IGF1R: variants seen among roughly 807,000 people sequenced by gnomAD.
IGF1R encodes the protein insulin-like growth factor 1 receptor.
In IGF1R, 44 loss-of-function variants were observed where a neutral mutation model predicts 144.6. The ratio of observed to expected loss-of-function variants is 0.30; its 90% CI spans 0.24 to 0.39. The LOEUF (loss-of-function observed/expected upper bound fraction) is 0.39, where lower values mean the gene tolerates loss of function less well. IGF1R is among the 10% of genes least tolerant of loss of function. The probability of loss-of-function intolerance (pLI) is 1.00; values close to 1 mark genes in which losing one functional copy is unlikely to be tolerated. For missense variants in IGF1R, 1,355 were observed against 1,833.7 expected (o/e 0.74, Z 4.77); for synonymous variants, 795 against 722.8 (o/e 1.10, Z -1.60).
intron 2 of IGF1R, among the ~76,000 whole-genome samples, chr15:98,889,562 C>T (rs1161408204): frequency 6.6e-6 from 1 of 152,208 alleles, no homozygotes; most frequent in Non-Finnish European, 1.5e-5. Context: ...GAGTGTAATA[C>T]TGCTGTTAAA....
At chr15:98,907,314 G>T (rs533062562) in intron 5 of IGF1R, among the ~76,000 whole-genome samples, 1 of 152,318 alleles carries the variant, frequency 6.6e-6, no homozygotes, top group African/African-American at 2.4e-5. Flanking sequence ...GTCCTGGTTT[G>T]GGTGTAAATG....
chr15:98,784,760 C>T (rs974387049), intron 2 of IGF1R, among the ~76,000 whole-genome samples: 3 of 152,134 alleles, frequency 2.0e-5, no homozygotes, highest in African/African-American at 4.8e-5. Context: ...AATTTAAAAA[C>T]TAGTATAACA....
chr15:98,838,703 TCCCTTTA>T (rs1486516035), intron 2 of IGF1R, among the ~76,000 whole-genome samples: 1 of 152,142 alleles, frequency 6.6e-6, no homozygotes, highest in Non-Finnish European at 1.5e-5. Context: ...TCCCAGAGCA[TCCCTTTA>T]GAGCCTCAGA....
chr15:98,771,375 C>A (rs1403627725), intron 2 of IGF1R, among the ~76,000 whole-genome samples: 1 of 152,326 alleles, frequency 6.6e-6, no homozygotes, highest in East Asian at 1.9e-4. Flanking sequence ...TCCACCCTCT[C>A]TCCCCTTCCT....
At chr15:98,749,241 G>C (rs1033700758) in intron 2 of IGF1R, among the ~76,000 whole-genome samples, 2 of 146,880 alleles carry the variant, frequency 1.4e-5, no homozygotes. Context: ...TAAAATTCTT[G>C]TTTCTGTGCT....
At chr15:98,867,246 A>C (rs1401839477) in intron 2 of IGF1R, among the ~76,000 whole-genome samples, 3 of 152,216 alleles carry the variant, frequency 2.0e-5, no homozygotes, top group Admixed American at 1.3e-4. Flanking sequence ...TTGCGCAGCA[A>C]CAAAAGCCAC....
rs936315653 is a variant in IGF1R at position 98,685,342 on chromosome 15, G to A, written c.95-22220G>A. Among the ~76,000 whole-genome samples, 3 of 152,204 alleles carry A rather than the reference G, an allele frequency of 2.0e-5. No homozygotes were observed. In the South Asian group the frequency reaches 6.2e-4, roughly 32 times the overall value. The stretch of plus-strand genomic sequence containing the variant: ...TGGGTGGACACGCTGGATGGTAGAT[G>A]TTGAGTTCTTTAGATGCCTGGATGC... On this transcript the variant is annotated intron_variant, in intron 1 of 20. Transcript: ENST00000650285.
At chr15:98,678,178 T>C (rs1259373271) in intron 1 of IGF1R, among the ~76,000 whole-genome samples, 1 of 152,216 alleles carries the variant, frequency 6.6e-6, no homozygotes, top group Non-Finnish European at 1.5e-5. Context: ...AGGAATAGAT[T>C]ACCTAGTAGT....
intron 1 of IGF1R, among the ~76,000 whole-genome samples, chr15:98,660,942 C>G (rs1440470773): frequency 6.6e-6 from 1 of 152,146 alleles, no homozygotes; most frequent in African/African-American, 2.4e-5. Flanking sequence ...CCGGAGTGGC[C>G]TGGTGCAGAG....
At position 98,835,080 on chromosome 15, in the gene IGF1R, TACACACAC is replaced by T. The variant is rs34443123; in HGVS notation, c.641-56222_641-56215del. On this transcript the variant is annotated intron_variant, in intron 2 of 20. Transcript: ENST00000650285. ...GGCCAGGGCAAGAGAACACCCCCCC[TACACACAC>T]ACACACACACACACACACACACCCC... 2.8e-4 allele frequency among the ~76,000 whole-genome samples: 37 copies of T among 130,440 alleles called. 1 individual carries two copies. The highest frequency in any genetic ancestry group is 6.8e-4 in the African/African-American group (21 of 30,706). The allele number at this position is 130,440 out of a possible 152,430, so 85.6% of individuals were successfully genotyped here.
intron 10 of IGF1R, 128 bp downstream of exon 10, chr15:98,917,004 A>T (rs774406661): frequency 9.3e-5 from 75 of 806,882 alleles, no homozygotes; most frequent in Non-Finnish European, 1.4e-4. Flanking sequence ...ACTGAGACGG[A>T]GCCGAAAAAG....
At chr15:98,873,730 T>C (rs975083648) in intron 2 of IGF1R, 1 of 152,242 alleles carries the variant, frequency 6.6e-6, no homozygotes, top group African/African-American at 2.4e-5. Context: ...ATATGCAATA[T>C]CTTTCTGTGG....
chr15:98,931,661 C>G (rs2015946159), intron 15 of IGF1R, among the ~76,000 whole-genome samples: 1 of 150,268 alleles, frequency 6.7e-6, no homozygotes, highest in African/African-American at 2.5e-5. Flanking sequence ...ACCACACTTA[C>G]AAGAGTTGTT....
In IGF1R at chr15:98,708,055, C is replaced by A; in HGVS notation, c.588C>A (p.Thr196=). The A allele has an allele frequency of 6.2e-7, 1 of 1,614,030 alleles. No individual in the cohort carries two copies. The highest frequency in any genetic ancestry group is 1.1e-5 in the South Asian group (1 of 91,068). ...MEEKPMCEKT[T]INNEYNYRCW... ...AGAAGCCGATGTGTGAGAAGACCAC[C>A]ATCAACAATGAGTACAACTACCGCT... Residue 196 remains threonine, a synonymous_variant, in exon 2 of 21, where the codon ACC becomes ACA. Transcript: ENST00000650285.
chr15:98,848,253 G>A (rs1430059941), intron 2 of IGF1R, among the ~76,000 whole-genome samples: 1 of 152,220 alleles, frequency 6.6e-6, no homozygotes, highest in Admixed American at 6.5e-5. Flanking sequence ...ACATATGGCT[G>A]TGGAAGAGGA....
chr15:98,651,243 A>G (rs1316488848), intron 1 of IGF1R, among the ~76,000 whole-genome samples: 1 of 152,198 alleles, frequency 6.6e-6, no homozygotes, highest in Non-Finnish European at 1.5e-5. Flanking sequence ...CAAATCCTTA[A>G]ACGTCTGGTA....
rs780928679 is a variant in IGF1R at position 98,929,640 on chromosome 15, G to T, written c.2865G>T (p.Leu955=). 1 of 1,613,338 alleles carries T rather than the reference G, an allele frequency of 6.2e-7. No individual in the cohort carries two copies. The highest frequency in any genetic ancestry group is 1.3e-5 in the African/African-American group (1 of 74,908). Residue 955 remains leucine, a synonymous_variant, in exon 14 of 21, where the codon CTG becomes CTT. Coordinates refer to ENST00000650285, the MANE Select transcript of IGF1R (RefSeq NM_000875.5). Reference sequence around the variant, plus strand: ...TCGTGGGAGGGTTGGTGATTATGCTGTACGTCTTCCATAGAAAGAGGTCAG... The same window carrying T: ...TCGTGGGAGGGTTGGTGATTATGCTTTACGTCTTCCATAGAAAGAGGTCAG... The part of the protein sequence containing the change: ...LLIVGGLVIM[L]YVFHRKRNNS...
In IGF1R at chr15:98,957,359, G is replaced by A. The variant is rs150801101; in HGVS notation, c.4021G>A (p.Asp1341Asn). The change falls in exon 21 of 21, where the codon GAC (aspartate) becomes AAC (asparagine). Residue 1341 changes from aspartate to asparagine, a missense_variant. Physicochemically the swap from Asp to Asn is conservative, Grantham distance 23. This residue lies in a region of IGF1R where 219 missense variants were observed against 188.8 expected (regional missense o/e 1.16). Transcript: ENST00000650285. ...PGVLVLRASF[D>N]ERQPYAHMNG... ...GGTGCTGGTCCTCCGCGCCAGCTTC[G>A]ACGAGAGACAGCCTTACGCCCACAT... is the stretch of plus-strand genomic sequence containing the variant. 5.9e-5 allele frequency: 95 copies of A among 1,612,416 alleles called. No individual in the cohort carries two copies. In the African/African-American group the frequency reaches 1.0e-3, roughly 18 times the overall value.
chr15:98,895,901 C>G (rs1256031688), intron 3 of IGF1R, among the ~76,000 whole-genome samples: 1 of 152,194 alleles, frequency 6.6e-6, no homozygotes, highest in Non-Finnish European at 1.5e-5. Flanking sequence ...GTTTGGAAAT[C>G]AGTCCAACTT....
Sources: allele counts gnomAD v4.1 joint callset (sites outside exome capture counted in the v4.1 genomes callset), GRCh38; gene constraint gnomAD v4.1.1; regional missense constraint gnomAD v4.1.1; transcripts MANE v1.5; gene names NCBI Gene and HGNC (gene_info 2026-07-23, HGNC 2026-07-21).